The following TRMT2A variants were observed in gnomAD, a reference collection of about 807,000 sequenced individuals.
TRMT2A encodes tRNA methyltransferase 2A, also known as tRNA (uracil-5-)-methyltransferase homolog A.
TRMT2A carries 60 observed loss-of-function variants against 59.3 expected under a neutral mutation model. That is an observed-to-expected ratio of 1.01 (90% CI 0.82 to 1.26). TRMT2A has a LOEUF of 1.26. Among genes scored for constraint, TRMT2A ranks in the 50% most tolerant of loss-of-function variants. The pLI is 0.00. For synonymous variants in TRMT2A, 403 were observed against 353.7 expected (o/e 1.14, Z -1.56); for missense variants, 863 against 845.2 (o/e 1.02, Z -0.26).
intron 2 of TRMT2A, 109 bp downstream of exon 2, chr22:20,115,929 G>A (rs916948752): frequency 1.2e-4 from 177 of 1,426,178 alleles, no homozygotes; most frequent in Non-Finnish European, 1.6e-4. Context: ...AGCTCCCAAA[G>A]GGGCCGCCAG....
In TRMT2A at chr22:20,115,056, T is replaced by C. The variant is rs1464715109; in HGVS notation, c.914A>G (p.Asp305Gly). Reference protein sequence around the residue: ...FIRSTPYSAYDPETYTGHWKQ... With the variant: ...FIRSTPYSAYGPETYTGHWKQ... Reference sequence around the variant, plus strand: ...CCAGTGGCCTGTGTACGTCTCTGGGTCGTATGCCGAGTATGGAGTGGACCT... The same window carrying C: ...CCAGTGGCCTGTGTACGTCTCTGGGCCGTATGCCGAGTATGGAGTGGACCT... The change falls in exon 5 of 12, where the codon GAC (aspartate) becomes GGC (glycine). Residue 305 changes from aspartate to glycine, a missense_variant. Transcript: ENST00000252136. 1 of 1,593,838 alleles carries C rather than the reference T, an allele frequency of 6.3e-7. No homozygotes were observed. The highest frequency in any genetic ancestry group is 1.8e-5 in the Admixed American group (1 of 57,050).
chr22:20,113,454 G>C lies in TRMT2A; in HGVS notation c.1410C>G (p.Ala470=). 2 of 1,612,892 alleles carry C rather than the reference G, an allele frequency of 1.2e-6. No individual in the cohort carries two copies. The highest frequency in any genetic ancestry group is 4.5e-5 in the East Asian group (2 of 44,824). The part of the protein sequence containing the change: ...VELCPEAVED[A]RVNAQDNELS... ...CACCATTGTCCTGGGCGTTCACCCGGGCGTCCTCCACAGCCTCTGGGCATA... is the reference window on the plus strand; with the variant it reads ...CACCATTGTCCTGGGCGTTCACCCGCGCGTCCTCCACAGCCTCTGGGCATA... The change falls in exon 9 of 12, where the codon GCC becomes GCG. Residue 470 remains alanine, a synonymous_variant. Transcript: ENST00000252136.
At chr22:20,115,124 C>G (rs527719950) in intron 4 of TRMT2A, 45 bp from the exon 5 acceptor site, 2 of 1,561,950 alleles carry the variant, frequency 1.3e-6, no homozygotes, top group Non-Finnish European at 1.7e-6. Context: ...ACTGGGCAAG[C>G]AGTCCCCCTG....
rs771209360 is a variant in TRMT2A, at chr22:20,115,384, C to T, written c.772G>A (p.Val258Met). 1.1e-5 allele frequency: 18 copies of T among 1,612,660 alleles called. No individual in the cohort carries two copies. The highest frequency in any genetic ancestry group is 6.7e-5 in the Admixed American group (4 of 60,004). ...GVGVDGEDNT[V>M]GCRLGKYKGG... ...TTGTACTTGCCGAGCCGACAGCCCA[C>T]GGTGTTATCCTCCCCATCCACCCCG... The change falls in exon 4 of 12, where the codon GTG (valine) becomes ATG (methionine). Residue 258 changes from valine to methionine, a missense_variant. Transcript: ENST00000252136.
At chr22:20,114,039 C>A (rs1313090711) in intron 7 of TRMT2A, among the ~76,000 whole-genome samples, 1 of 152,216 alleles carries the variant, frequency 6.6e-6, no homozygotes, top group African/African-American at 2.4e-5. Flanking sequence ...CCTCCTTGCC[C>A]CACTTGGTTG....
Position 20,115,772 on chromosome 22 carries a change from C to T in TRMT2A, c.608G>A (p.Gly203Glu). The T allele has an allele frequency of 6.2e-7, 1 of 1,607,276 alleles. No homozygotes were observed. The stretch of plus-strand genomic sequence containing the variant: ...GGGCAGCAAGGCACGGTTGGTGCTC[C>T]CGATTTCCCTGTAAGAGGAGCAGAT... ...QVLQKLAKEI[G>E]STNRALLPWL... The change falls in exon 3 of 12, where the codon GGG becomes GAG. Residue 203 changes from glycine (G) to glutamate (E), a missense_variant. Gly to Glu is a moderately conservative substitution (Grantham distance 98). Transcript: ENST00000252136.
chr22:20,115,559 G>A (rs758011920), intron 3 of TRMT2A, 112 bp from the exon 4 acceptor site: 2 of 1,559,822 alleles, frequency 1.3e-6, no homozygotes, highest in Admixed American at 1.7e-5. Context: ...TGACAACTAT[G>A]TGATGTTACC....
At chr22:20,116,823 A>ACCCCCCCCCCCCCCCCCCCCCCC in intron 1 of TRMT2A, 60 bp downstream of exon 1, 2 of 1,294,018 alleles carry the variant, frequency 1.5e-6, no homozygotes, top group Non-Finnish European at 2.2e-6. Flanking sequence ...AGGTTTCCTG[A>ACCCCCCCCCCCCCCCCCCCCCCC]CCCACCCCGC....
rs142516837 is a variant in TRMT2A, at chr22:20,113,755, T to C, written c.1287A>G (p.Gln429=). 2.5e-4 allele frequency: 399 copies of C among 1,609,656 alleles called. 1 individual carries two copies. The highest frequency in any genetic ancestry group is 1.3e-3 in the African/African-American group (97 of 74,966). The part of the protein sequence containing the change: ...VLYTVIQDWA[Q]LDAGSMVLDV... The stretch of plus-strand genomic sequence containing the variant: ...CCAGCACCATGCTCCCCGCATCCAA[T>C]TGGGCCCAGTCCTGGATGACTGTGT... The change falls in exon 8 of 12, where the codon CAA becomes CAG. Residue 429 remains glutamine (Q), a synonymous_variant. Coordinates refer to ENST00000252136, the MANE Select transcript of TRMT2A (RefSeq NM_022727.6).
At position 20,112,803 on chromosome 22, in the gene TRMT2A, G is replaced by A. The variant is rs2049884161; in HGVS notation, c.1647-9C>T. 2 of 1,612,980 alleles carry A rather than the reference G, an allele frequency of 1.2e-6. No homozygotes were observed. On this transcript the variant is annotated splice_polypyrimidine_tract_variant and intron_variant, in intron 11 of 11. Transcript: ENST00000252136. ...ATGGGGCTCTGCAGAGGCTGTGGGGGGAAAAGGGGGGCGCTAAGGTCAGCC... is the reference window on the plus strand; with the variant it reads ...ATGGGGCTCTGCAGAGGCTGTGGGGAGAAAAGGGGGGCGCTAAGGTCAGCC...
At position 20,113,705 on chromosome 22, in the gene TRMT2A, A is replaced by T. The variant is rs200558571; in HGVS notation, c.1337T>A (p.Ile446Asn). The change falls in exon 8 of 12, where the codon ATT (isoleucine) becomes AAT (asparagine). Residue 446 changes from isoleucine to asparagine, a missense_variant. Coordinates refer to ENST00000252136, the MANE Select transcript of TRMT2A (RefSeq NM_022727.6). ...VLDVCCGTGT[I>N]GLALARKVKR... The stretch of plus-strand genomic sequence containing the variant: ...GCTCACCCGGGCCAGGGCCAGGCCA[A>T]TGGTGCCGGTGCCACAGCACACGTC... 1 of 1,602,316 alleles carries T rather than the reference A, an allele frequency of 6.2e-7. No individual in the cohort carries two copies. The highest frequency in any genetic ancestry group is 1.1e-5 in the South Asian group (1 of 89,806).
chr22:20,116,032 A>G lies in TRMT2A; in HGVS notation c.599+6T>C. 2 of 1,547,856 alleles carry G rather than the reference A, an allele frequency of 1.3e-6. No individual in the cohort carries two copies. The highest frequency in any genetic ancestry group is 1.2e-5 in the South Asian group (1 of 81,512). On this transcript the variant is annotated splice_donor_region_variant and intron_variant, in intron 2 of 11. Coordinates refer to ENST00000252136, the MANE Select transcript of TRMT2A (RefSeq NM_022727.6). ...GCCAAGAGGGGCGTCTTGCGCCCAC[A>G]CTCACTTGGCAAGTTTCTGCAGCAC...
Position 20,117,196 on chromosome 22 carries a change from AGC to A in TRMT2A, c.-292_-291del. On this transcript the variant is annotated 5_prime_UTR_variant, in exon 1 of 12. Coordinates refer to ENST00000252136, the MANE Select transcript of TRMT2A (RefSeq NM_022727.6). ...CTTCGCCAGCCACTCTTAGTCCGCC[AGC>A]GCGTGCGGCGGAGGCCGAGCGTCTC... is the stretch of plus-strand genomic sequence containing the variant. 1 of 540,870 alleles carries A rather than the reference AGC, an allele frequency of 1.8e-6. No homozygotes were observed. Among genetic ancestry groups the A allele is most frequent in the Non-Finnish European group, 3.1e-6 (1 of 326,202 alleles). 33.5% of individuals were successfully genotyped at this position (540,870 alleles called of 1,614,324 possible).
rs755623572 is a variant in TRMT2A at position 20,112,527 on chromosome 22, G to A, written c.*36C>T. The A allele has an allele frequency of 6.3e-7, 1 of 1,593,218 alleles. No homozygotes were observed. Among genetic ancestry groups the A allele is most frequent in the South Asian group, 1.1e-5 (1 of 89,770 alleles). ...CTTCCCCGCCCCTGGGGCCCTGGGA[G>A]CCCTTCAGCTCCTGTCCCCATAATG... is the stretch of plus-strand genomic sequence containing the variant. On this transcript the variant is annotated 3_prime_UTR_variant, in exon 12 of 12. Transcript: ENST00000252136.
intron 7 of TRMT2A, 28 bp downstream of exon 7, chr22:20,114,546 C>T (rs781767363): frequency 1.3e-6 from 2 of 1,580,516 alleles, no homozygotes; most frequent in Non-Finnish European, 1.7e-6. Context: ...TCAACATGTC[C>T]CCATGCCCAC....
intron 4 of TRMT2A, 24 bp from the exon 5 acceptor site, chr22:20,115,103 A>G: frequency 6.3e-7 from 1 of 1,576,396 alleles, no homozygotes; most frequent in Non-Finnish European, 8.6e-7. Flanking sequence ...GAGCTGGCCC[A>G]AGTGCCCACA....
chr22:20,115,833 G>A, intron 2 of TRMT2A, 53 bp from the exon 3 acceptor site: 1 of 1,533,858 alleles, frequency 6.5e-7, no homozygotes, highest in Non-Finnish European at 8.9e-7. Context: ...CCCGACCCAT[G>A]CCAGGCCACT....
At position 20,117,185 on chromosome 22, in the gene TRMT2A, C is replaced by G. The variant is rs1032203870; in HGVS notation, c.-279G>C. ...CCGGCCGCTCGCTTCGCCAGCCACT[C>G]TTAGTCCGCCAGCGCGTGCGGCGGA... On this transcript the variant is annotated 5_prime_UTR_variant, in exon 1 of 12. Coordinates refer to ENST00000252136, the MANE Select transcript of TRMT2A (RefSeq NM_022727.6). 261 of 548,792 alleles carry G rather than the reference C, an allele frequency of 4.8e-4. No individual in the cohort carries two copies. Among genetic ancestry groups the G allele is most frequent in the Non-Finnish European group, 6.7e-4 (221 of 330,122 alleles). 34.0% of individuals were successfully genotyped at this position (548,792 alleles called of 1,614,324 possible).
intron 8 of TRMT2A, 35 bp from the exon 9 acceptor site, chr22:20,113,542 G>T: frequency 6.2e-7 from 1 of 1,612,906 alleles, no homozygotes; most frequent in Non-Finnish European, 8.5e-7. Flanking sequence ...CCCCACCCAG[G>T]GAGGGGAGTA....
Sources: allele counts gnomAD v4.1 joint callset (sites outside exome capture counted in the v4.1 genomes callset), GRCh38; gene constraint gnomAD v4.1.1; transcripts MANE v1.5; gene names NCBI Gene and HGNC (gene_info 2026-07-23, HGNC 2026-07-21).